SMYD3: variants seen among roughly 807,000 people sequenced by gnomAD.
The protein encoded by SMYD3 is histone-lysine N-methyltransferase SMYD3.
In SMYD3, 36 loss-of-function variants were observed where a neutral mutation model predicts 57.7. That is an observed-to-expected ratio of 0.62 (90% CI 0.48 to 0.82). The LOEUF is 0.82. Ranked by LOEUF, SMYD3 falls within the 40% of genes least tolerant of loss-of-function variation. The pLI, the probability that SMYD3 is intolerant of heterozygous loss-of-function variation, is 0.00. For synonymous variants in SMYD3, 211 were observed against 195.0 expected (o/e 1.08, Z -0.68); for missense variants, 515 against 538.8 (o/e 0.96, Z 0.44).
At chr1:245,847,165 T>C (rs1204077528) in intron 10 of SMYD3, among the ~76,000 whole-genome samples, 1 of 152,232 alleles carries the variant, frequency 6.6e-6, no homozygotes, top group African/African-American at 2.4e-5. Flanking sequence ...AAGAGCTTTA[T>C]ACTAACCAGC....
intron 5 of SMYD3, among the ~76,000 whole-genome samples, chr1:246,176,968 T>C (rs1032615154): frequency 6.6e-6 from 1 of 152,174 alleles, no homozygotes. Flanking sequence ...TTAACCCAAA[T>C]TGGTGAAACA....
intron 5 of SMYD3, among the ~76,000 whole-genome samples, chr1:246,077,643 G>T (rs1572986940): frequency 6.6e-6 from 1 of 151,796 alleles, no homozygotes; most frequent in African/African-American, 2.4e-5. Context: ...ACTAAAAAAA[G>T]ATTTTTTTTT....
intron 5 of SMYD3, among the ~76,000 whole-genome samples, chr1:246,055,657 C>A (rs2060139307): frequency 6.6e-6 from 1 of 152,056 alleles, no homozygotes; most frequent in Non-Finnish European, 1.5e-5. Flanking sequence ...ACATACAATG[C>A]AATATTATTC....
intron 5 of SMYD3, among the ~76,000 whole-genome samples, chr1:246,049,527 G>A (rs1422928578): frequency 1.3e-5 from 2 of 150,628 alleles, no homozygotes; most frequent in Admixed American, 1.3e-4. Flanking sequence ...GGATGATCTC[G>A]ATCTCCTGAC....
At chr1:245,755,136 G>A (rs1467849521) in intron 11 of SMYD3, among the ~76,000 whole-genome samples, 1 of 152,164 alleles carries the variant, frequency 6.6e-6, no homozygotes, top group Non-Finnish European at 1.5e-5. Flanking sequence ...AATTCTAAGG[G>A]CAACCCAAGT....
At chr1:245,828,856 C>T (rs1340724148) in intron 10 of SMYD3, among the ~76,000 whole-genome samples, 2 of 152,138 alleles carry the variant, frequency 1.3e-5, no homozygotes, top group African/African-American at 4.8e-5. Context: ...GCATGAGCCC[C>T]CACGCCCAGC....
At position 245,993,627 on chromosome 1, in the gene SMYD3, TAGATAGAC is replaced by T. The variant is rs1359267762; in HGVS notation, c.532-63698_532-63691del. Among the ~76,000 whole-genome samples the T allele has an allele frequency of 5.7e-3, 610 of 106,830 alleles. 3 individuals carry two copies. The highest frequency in any genetic ancestry group is 0.019 in the African/African-American group (498 of 26,086). 70.1% of individuals were successfully genotyped at this position (106,830 alleles called of 152,430 possible). On this transcript the variant is annotated intron_variant, in intron 5 of 11. Transcript: ENST00000490107. Reference sequence around the variant, plus strand: ...ATAGATAGATAGATAGATAGATAGATAGATAGACAGACAGACAGACAGACAGACAGACA... The same window carrying T: ...ATAGATAGATAGATAGATAGATAGATAGACAGACAGACAGACAGACAGACA...
intron 3 of SMYD3, among the ~76,000 whole-genome samples, chr1:246,331,594 C>T: frequency 6.6e-6 from 1 of 152,186 alleles, no homozygotes; most frequent in East Asian, 1.9e-4. Context: ...GTCTAAGACA[C>T]TCCCTGGAAT....
chr1:245,799,434 C>T (rs1211284557), intron 10 of SMYD3, among the ~76,000 whole-genome samples: 1 of 152,278 alleles, frequency 6.6e-6, no homozygotes, highest in African/African-American at 2.4e-5. Context: ...ACCACAATCA[C>T]CAGCAAGTGC....
Position 246,466,239 on chromosome 1 carries a change from T to C in SMYD3, c.164+40815A>G, listed in dbSNP as rs559389057. Among the ~76,000 whole-genome samples the C allele has an allele frequency of 1.2e-4, 18 of 152,340 alleles. No homozygotes were observed. In the South Asian group the frequency reaches 3.1e-3, roughly 26 times the overall value. The stretch of plus-strand genomic sequence containing the variant: ...TCTAACCTAAAGACACATGCACATG[T>C]ATATTTACTGCAGCACTATTCACAA... On this transcript the variant is annotated intron_variant, in intron 1 of 11. Coordinates refer to ENST00000490107, the MANE Select transcript of SMYD3 (RefSeq NM_001167740.2).
At chr1:246,466,678 T>C (rs538847794) in intron 1 of SMYD3, among the ~76,000 whole-genome samples, 4 of 152,206 alleles carry the variant, frequency 2.6e-5, no homozygotes, top group African/African-American at 9.6e-5. Context: ...GAACCTAAAA[T>C]AAAAATTTTA....
intron 10 of SMYD3, among the ~76,000 whole-genome samples, chr1:245,827,867 C>T (rs1393400879): frequency 7.2e-5 from 11 of 152,152 alleles, no homozygotes; most frequent in Admixed American, 7.2e-4. Flanking sequence ...AGTCCAGAAC[C>T]CAGTCTTCTG....
chr1:246,462,121 G>T (rs1001541979), intron 1 of SMYD3, among the ~76,000 whole-genome samples: 1 of 152,172 alleles, frequency 6.6e-6, no homozygotes, highest in Non-Finnish European at 1.5e-5. Context: ...ACACTTTTAC[G>T]TGTGTGGAGG....
intron 8 of SMYD3, among the ~76,000 whole-genome samples, chr1:245,880,687 G>C (rs1028110882): frequency 6.6e-6 from 1 of 152,222 alleles, no homozygotes; most frequent in Non-Finnish European, 1.5e-5. Flanking sequence ...AGAAGGACTT[G>C]AACTCCCAGT....
intron 1 of SMYD3, among the ~76,000 whole-genome samples, chr1:246,418,084 AC>A (rs1220680274): frequency 2.6e-5 from 4 of 152,168 alleles, no homozygotes; most frequent in Admixed American, 6.5e-5. Context: ...GCACATTAAT[AC>A]ATTTATATGC....
intron 5 of SMYD3, among the ~76,000 whole-genome samples, chr1:245,985,939 T>C (rs527918393): frequency 6.6e-6 from 1 of 152,268 alleles, no homozygotes; most frequent in South Asian, 2.1e-4. Flanking sequence ...ACTGCGCCAT[T>C]CAAAGGTAAA....
chr1:245,862,413 T>A (rs2051598932), intron 9 of SMYD3, among the ~76,000 whole-genome samples: 1 of 152,236 alleles, frequency 6.6e-6, no homozygotes, highest in Admixed American at 6.5e-5. Flanking sequence ...AACTTTTTGA[T>A]CCGAATAGAA....
intron 1 of SMYD3, among the ~76,000 whole-genome samples, chr1:246,444,397 T>C (rs1441136239): frequency 2.0e-5 from 3 of 152,166 alleles, no homozygotes; most frequent in African/African-American, 7.2e-5. Context: ...GTGCTGGGAT[T>C]ACAGGCATGA....
At chr1:246,131,826 T>C (rs752178163) in intron 5 of SMYD3, among the ~76,000 whole-genome samples, 2 of 152,194 alleles carry the variant, frequency 1.3e-5, no homozygotes, top group Non-Finnish European at 2.9e-5. Context: ...AGACAGAACA[T>C]TTTCATTAAA....
Sources: gnomAD v4.1 joint callset for allele counts (sites outside exome capture counted in the v4.1 genomes callset) on GRCh38, gnomAD v4.1.1 for gene constraint, MANE v1.5 for transcripts, NCBI Gene and HGNC (gene_info 2026-07-23, HGNC 2026-07-21) for gene names.